The following LRRC4C variants were observed in gnomAD, a reference collection of about 807,000 sequenced individuals.
LRRC4C encodes leucine rich repeat containing 4C.
LRRC4C carries 5 observed loss-of-function variants against 33.6 expected under a neutral mutation model. The ratio of observed to expected loss-of-function variants is 0.15; its 90% CI spans 0.08 to 0.31. The LOEUF is 0.31. Ranked by LOEUF, LRRC4C falls within the 10% of genes least tolerant of loss-of-function variation. The probability of loss-of-function intolerance (pLI) is 1.00; values close to 1 mark genes in which losing one functional copy is unlikely to be tolerated. For synonymous variants in LRRC4C, 329 were observed against 302.0 expected (o/e 1.09, Z -0.93); for missense variants, 560 against 796.7 (o/e 0.70, Z 3.58).
intron 1 of LRRC4C, among the ~76,000 whole-genome samples, chr11:41,247,359 A>T (rs1452787188): frequency 1.3e-5 from 2 of 152,204 alleles, no homozygotes; most frequent in Non-Finnish European, 2.9e-5. Context: ...AATTAGAGTA[A>T]TTTCAGGTGA....
At chr11:41,027,345 G>A (rs967531372) in intron 1 of LRRC4C, among the ~76,000 whole-genome samples, 1 of 151,532 alleles carries the variant, frequency 6.6e-6, no homozygotes, top group Non-Finnish European at 1.5e-5. Context: ...GAGTTGACAG[G>A]TACCAAAGGA....
At chr11:40,312,116 C>T (rs1197331387) in intron 4 of LRRC4C, among the ~76,000 whole-genome samples, 7 of 152,142 alleles carry the variant, frequency 4.6e-5, no homozygotes, top group Admixed American at 4.6e-4. Flanking sequence ...GGAGTTCTAA[C>T]TCACCAACTC....
intron 1 of LRRC4C, among the ~76,000 whole-genome samples, chr11:41,107,302 C>T (rs1453744789): frequency 1.3e-5 from 2 of 151,942 alleles, no homozygotes; most frequent in East Asian, 3.9e-4. Flanking sequence ...ATGATACAAA[C>T]ATTTGAAGAG....
chr11:40,120,382 C>T (rs2134649011), intron 6 of LRRC4C, among the ~76,000 whole-genome samples: 1 of 152,170 alleles, frequency 6.6e-6, no homozygotes, highest in East Asian at 1.9e-4. Flanking sequence ...CCTTAAATAA[C>T]TCTTTTATAT....
chr11:41,318,469 T>C (rs573448029), intron 1 of LRRC4C, among the ~76,000 whole-genome samples: 1 of 152,326 alleles, frequency 6.6e-6, no homozygotes, highest in African/African-American at 2.4e-5. Context: ...CCTCAATTTT[T>C]CCCTCTTCTC....
intron 3 of LRRC4C, among the ~76,000 whole-genome samples, chr11:40,379,020 G>GA (rs1456275398): frequency 6.6e-6 from 1 of 152,086 alleles, no homozygotes; most frequent in Non-Finnish European, 1.5e-5. Flanking sequence ...AATACCAAGG[G>GA]AGGAAGTATG....
intron 4 of LRRC4C, among the ~76,000 whole-genome samples, chr11:40,309,515 ATT>A (rs72004575): frequency 3.4e-5 from 5 of 146,008 alleles, no homozygotes; most frequent in Admixed American, 6.9e-5. Flanking sequence ...GCAGAAGTGT[ATT>A]TTTTTTTTTT....
intron 1 of LRRC4C, among the ~76,000 whole-genome samples, chr11:41,229,457 T>C (rs997529989): frequency 6.6e-6 from 1 of 152,124 alleles, no homozygotes; most frequent in African/African-American, 2.4e-5. Context: ...AGCCCCAGTC[T>C]ATAGCAACGA....
chr11:40,873,046 A>G (rs529702358), intron 2 of LRRC4C, among the ~76,000 whole-genome samples: 3 of 152,254 alleles, frequency 2.0e-5, no homozygotes, highest in Admixed American at 6.5e-5. Context: ...CAGAGACTAG[A>G]TAGTATTGAG....
At chr11:40,842,806 TA>T (rs747010519) in intron 2 of LRRC4C, among the ~76,000 whole-genome samples, 13 of 152,254 alleles carry the variant, frequency 8.5e-5, no homozygotes, top group Admixed American at 2.6e-4. Context: ...AATCACCTGG[TA>T]AATTGTCAGA....
At chr11:40,607,502 ATC>A (rs563830077) in intron 3 of LRRC4C, among the ~76,000 whole-genome samples, 171 of 152,252 alleles carry the variant, frequency 1.1e-3, no homozygotes, top group Admixed American at 3.8e-3. Flanking sequence ...CTGGCAGGTC[ATC>A]AAAGGCAGAA....
intron 1 of LRRC4C, among the ~76,000 whole-genome samples, chr11:41,316,488 T>G (rs1278801650): frequency 6.6e-6 from 1 of 152,148 alleles, no homozygotes; most frequent in Admixed American, 6.5e-5. Flanking sequence ...ATATTTCTAT[T>G]GCATCTGTTT....
intron 3 of LRRC4C, among the ~76,000 whole-genome samples, chr11:40,589,379 G>A (rs1474406723): frequency 5.9e-5 from 9 of 152,066 alleles, no homozygotes; most frequent in East Asian, 1.9e-4. Context: ...GTCTCTGCAC[G>A]TGAGATGGGT....
At chr11:41,197,650 C>T (rs772895509) in intron 1 of LRRC4C, among the ~76,000 whole-genome samples, 5 of 151,874 alleles carry the variant, frequency 3.3e-5, no homozygotes, top group Non-Finnish European at 7.4e-5. Flanking sequence ...ACATTAGATA[C>T]TTCCTTCTGC....
intron 1 of LRRC4C, among the ~76,000 whole-genome samples, chr11:40,954,984 T>C (rs1212553293): frequency 6.6e-6 from 1 of 151,818 alleles, no homozygotes; most frequent in Non-Finnish European, 1.5e-5. Flanking sequence ...ATCTTCCCAA[T>C]TCTCAAAACT....
chr11:41,082,806 A>G (rs1040884356), intron 1 of LRRC4C, among the ~76,000 whole-genome samples: 8 of 151,614 alleles, frequency 5.3e-5, no homozygotes, highest in East Asian at 1.9e-4. Flanking sequence ...CCTTTGACCT[A>G]TTGTTTATTT....
chr11:40,766,587 A>G (rs186627410), intron 2 of LRRC4C, among the ~76,000 whole-genome samples: 15 of 152,108 alleles, frequency 9.9e-5, no homozygotes, highest in Admixed American at 8.5e-4. Flanking sequence ...ATACATAGAA[A>G]CAATAAAAAC....
At chr11:40,194,606 A>T (rs1159995519) in intron 5 of LRRC4C, among the ~76,000 whole-genome samples, 5 of 143,758 alleles carry the variant, frequency 3.5e-5, no homozygotes, top group African/African-American at 1.3e-4. Context: ...AACATCACAC[A>T]CTGGGGCCTG....
intron 4 of LRRC4C, among the ~76,000 whole-genome samples, chr11:40,248,539 C>T (rs757976027): frequency 1.4e-4 from 21 of 152,006 alleles, no homozygotes; most frequent in Admixed American, 9.2e-4. Flanking sequence ...GAGATCATCC[C>T]GGGTAACATA....
Sources: gnomAD v4.1 joint callset for allele counts (sites outside exome capture counted in the v4.1 genomes callset) on GRCh38, gnomAD v4.1.1 for gene constraint, MANE v1.5 for transcripts, NCBI Gene and HGNC (gene_info 2026-07-23, HGNC 2026-07-21) for gene names.